Variants in SLC26A8 observed in about 807,000 individuals in gnomAD.
SLC26A8 encodes testis anion transporter 1.
SLC26A8 carries 70 observed loss-of-function variants against 105.0 expected under a neutral mutation model. The ratio of observed to expected loss-of-function variants is 0.67; its 90% CI spans 0.55 to 0.81. The LOEUF is 0.81. SLC26A8 is among the 40% of genes least tolerant of loss of function. The pLI is 0.00. For missense variants in SLC26A8, 998 were observed against 1,181.8 expected (o/e 0.84, Z 2.28); for synonymous variants, 415 against 438.3 (o/e 0.95, Z 0.66).
At chr6:35,949,819 T>G (rs1168524984) in intron 19 of SLC26A8, among the ~76,000 whole-genome samples, 4 of 149,872 alleles carry the variant, frequency 2.7e-5, no homozygotes, top group African/African-American at 9.8e-5. Flanking sequence ...GTTTTTTTGT[T>G]TTTTTTTTTA....
At chr6:36,005,534 T>TTCC (rs1761661791) in intron 3 of SLC26A8, among the ~76,000 whole-genome samples, 1 of 152,206 alleles carries the variant, frequency 6.6e-6, no homozygotes, top group Admixed American at 6.5e-5. Flanking sequence ...TGTCTTATAT[T>TTCC]TCCTTATGAT....
chr6:36,007,502 T>C (rs566439243), intron 3 of SLC26A8, among the ~76,000 whole-genome samples: 2 of 152,162 alleles, frequency 1.3e-5, no homozygotes, highest in Non-Finnish European at 2.9e-5. Context: ...GACAGCATAA[T>C]AAAGATGCCA....
chr6:36,010,352 G>T (rs1761818589), intron 3 of SLC26A8, among the ~76,000 whole-genome samples: 1 of 152,204 alleles, frequency 6.6e-6, no homozygotes, highest in South Asian at 2.1e-4. Flanking sequence ...CATACTGTAT[G>T]ATTCCATTTA....
At chr6:36,007,344 T>C (rs920824868) in intron 3 of SLC26A8, among the ~76,000 whole-genome samples, 1 of 152,192 alleles carries the variant, frequency 6.6e-6, no homozygotes, top group African/African-American at 2.4e-5. Flanking sequence ...AATTGGAGAC[T>C]GAACCATCAT....
At chr6:36,002,064 T>C (rs1276709025) in intron 3 of SLC26A8, among the ~76,000 whole-genome samples, 1 of 152,246 alleles carries the variant, frequency 6.6e-6, no homozygotes, top group Non-Finnish European at 1.5e-5. Flanking sequence ...TTAAGTCTCT[T>C]GTAATCTATA....
At chr6:35,953,352 G>C (rs903913636) in intron 17 of SLC26A8, among the ~76,000 whole-genome samples, 19 of 151,804 alleles carry the variant, frequency 1.3e-4, no homozygotes, top group Admixed American at 2.6e-4. Flanking sequence ...CCATGGAACA[G>C]AGAGAAAGTA....
chr6:36,018,238 G>A (rs530041409), intron 2 of SLC26A8, among the ~76,000 whole-genome samples: 1 of 152,284 alleles, frequency 6.6e-6, no homozygotes, highest in East Asian at 1.9e-4. Context: ...ATTTACAGTA[G>A]CCTAATGGCG....
chr6:35,948,085 A>G (rs760641585), intron 19 of SLC26A8, among the ~76,000 whole-genome samples: 1 of 152,204 alleles, frequency 6.6e-6, no homozygotes, highest in African/African-American at 2.4e-5. Flanking sequence ...TAAAGATATA[A>G]ATTCTCAAGG....
chr6:35,954,531 G>A (rs925514137), intron 17 of SLC26A8, among the ~76,000 whole-genome samples: 3 of 152,188 alleles, frequency 2.0e-5, no homozygotes, highest in African/African-American at 7.2e-5. Context: ...TGTTCTGGGA[G>A]TTACTGGGCG....
intron 1 of SLC26A8, among the ~76,000 whole-genome samples, chr6:36,020,941 T>C (rs1291999166): frequency 6.6e-6 from 1 of 152,222 alleles, no homozygotes; most frequent in Non-Finnish European, 1.5e-5. Context: ...ATCATCATCA[T>C]CATTGCCAAC....
intron 19 of SLC26A8, among the ~76,000 whole-genome samples, chr6:35,946,220 C>T (rs1240309664): frequency 6.6e-6 from 1 of 152,012 alleles, no homozygotes; most frequent in African/African-American, 2.4e-5. Context: ...GTTTAATAGG[C>T]CACTTGAATT....
chr6:35,980,043 G>A (rs1172340741), intron 8 of SLC26A8, among the ~76,000 whole-genome samples: 2 of 152,164 alleles, frequency 1.3e-5, no homozygotes, highest in Non-Finnish European at 2.9e-5. Flanking sequence ...CATGATCCTA[G>A]CTTATTGCAA....
chr6:35,993,182 A>G (rs916534856), intron 5 of SLC26A8, among the ~76,000 whole-genome samples: 64 of 20,288 alleles, frequency 3.2e-3, no homozygotes, highest in Middle Eastern at 0.05. Flanking sequence ...TTTTTGATAG[A>G]GATTGGAGGG....
At chr6:35,977,435 C>T (rs944598282) in intron 8 of SLC26A8, 84 bp from the exon 9 acceptor site, 4 of 1,312,770 alleles carry the variant, frequency 3.0e-6, no homozygotes, top group African/African-American at 1.5e-5. Flanking sequence ...ACTGGGCTGT[C>T]CTGATTCTTT....
chr6:36,020,691 G>T (rs1762107818), intron 1 of SLC26A8, among the ~76,000 whole-genome samples: 1 of 152,100 alleles, frequency 6.6e-6, no homozygotes, highest in Non-Finnish European at 1.5e-5. Context: ...AGGATGGATA[G>T]GGATCCATCT....
At chr6:36,001,290 G>A (rs192464027) in intron 3 of SLC26A8, among the ~76,000 whole-genome samples, 5 of 152,104 alleles carry the variant, frequency 3.3e-5, no homozygotes, top group South Asian at 2.1e-4. Context: ...CACCATGCCC[G>A]GCTAATTTTT....
chr6:35,982,194 A>C lies in SLC26A8; in HGVS notation c.952T>G (p.Phe318Val), dbSNP rs1025653805. ...CTTATCTTGTTTGCAATCACAGTGAAGCCAATAATCTGTAGGGGGTAAAAA... is the reference window on the plus strand; with the variant it reads ...CTTATCTTGTTTGCAATCACAGTGACGCCAATAATCTGTAGGGGGTAAAAA... Reference protein sequence around the residue: ...FPMELFLIIGFTVIANKISMA... With the variant: ...FPMELFLIIGVTVIANKISMA... The change falls in exon 8 of 20, where the codon TTC (phenylalanine) becomes GTC (valine). Residue 318 changes from phenylalanine (F) to valine (V), a missense_variant. By Grantham distance (50) the Phe-to-Val change is conservative. Transcript: ENST00000490799. The C allele has an allele frequency of 5.0e-6, 8 of 1,614,098 alleles. No individual in the cohort carries two copies. The highest frequency in any genetic ancestry group is 1.3e-5 in the African/African-American group (1 of 75,032).
At position 35,959,436 on chromosome 6, in the gene SLC26A8, T is replaced by A; in HGVS notation, c.1863+24A>T. On this transcript the variant is annotated intron_variant, in intron 16 of 19. Coordinates refer to ENST00000490799, the MANE Select transcript of SLC26A8 (RefSeq NM_052961.4). The stretch of plus-strand genomic sequence containing the variant: ...TGTTTATAAAATATGGAGAAAAACA[T>A]AGGAAAGAAAAGGCATTTCTAACCC... 6 of 1,582,808 alleles carry A rather than the reference T, an allele frequency of 3.8e-6. No individual in the cohort carries two copies. In the South Asian group the frequency reaches 7.0e-5, roughly 18 times the overall value.
intron 5 of SLC26A8, among the ~76,000 whole-genome samples, chr6:35,994,824 G>A (rs1046836616): frequency 4.6e-5 from 7 of 152,210 alleles, no homozygotes; most frequent in East Asian, 1.9e-4. Context: ...TGATCCACCC[G>A]CTTTGGTCTC....
Sources: gnomAD v4.1 joint callset for allele counts (sites outside exome capture counted in the v4.1 genomes callset) on GRCh38, gnomAD v4.1.1 for gene constraint, MANE v1.5 for transcripts, NCBI Gene and HGNC (gene_info 2026-07-23, HGNC 2026-07-21) for gene names.